The following NAA40 variants were observed in gnomAD, a reference collection of about 807,000 sequenced individuals.
The protein encoded by NAA40 is N-alpha-acetyltransferase 40.
Under a neutral mutation model 36.6 loss-of-function variants are expected in NAA40, and 26 were observed. That is an observed-to-expected ratio of 0.71 (90% CI 0.52 to 0.98). The LOEUF (loss-of-function observed/expected upper bound fraction) is 0.98. Among genes scored for constraint, NAA40 ranks in the 50% least tolerant of loss-of-function variants. The pLI, the probability that NAA40 is intolerant of heterozygous loss-of-function variation, is 0.00. For missense variants in NAA40, 237 were observed against 306.5 expected, an observed-to-expected ratio of 0.77 and a Z score of 1.69; for synonymous variants, 129 against 108.4, an observed-to-expected ratio of 1.19 and a Z score of -1.18.
intron 3 of NAA40, among the ~76,000 whole-genome samples, chr11:63,949,769 G>T (rs559410249): frequency 2.9e-5 from 4 of 135,898 alleles, no homozygotes; most frequent in Non-Finnish European, 4.7e-5. Context: ...TTTTGAGATG[G>T]TGTCTTGCTC....
intron 5 of NAA40, 39 bp downstream of exon 5, chr11:63,952,604 C>T (rs369041303): frequency 6.2e-7 from 1 of 1,609,730 alleles, no homozygotes; most frequent in African/African-American, 1.3e-5. Flanking sequence ...GGAGAGAGAC[C>T]CTGGCGATGT....
rs1328590234 is a variant in NAA40 at position 63,955,296 on chromosome 11, T to G, written c.*817T>G. 6.6e-6 allele frequency: 1 copy of G among 152,640 alleles called. No homozygotes were observed. The highest frequency in any genetic ancestry group is 1.5e-5 in the Non-Finnish European group (1 of 68,060). 9.5% of individuals were successfully genotyped at this position (152,640 alleles called of 1,614,324 possible). On this transcript the variant is annotated 3_prime_UTR_variant, in exon 8 of 8. Coordinates refer to ENST00000377793, the MANE Select transcript of NAA40 (RefSeq NM_024771.4). ...ATAGAAGAAAGCCAGAGGTTCTGCT[T>G]GTTCTTGTCTGCCAGCCCTCGTCGT... is the stretch of plus-strand genomic sequence containing the variant.
Position 63,957,197 on chromosome 11 carries a change from T to TG in NAA40, c.*2718_*2719insG, listed in dbSNP as rs1942380685. 1.0e-5 allele frequency: 1 copy of TG among 99,266 alleles called. No individual in the cohort carries two copies. The highest frequency in any genetic ancestry group is 2.2e-5 in the Non-Finnish European group (1 of 45,878). The allele number at this position is 99,266 out of a possible 1,614,324, so 6.1% of individuals were successfully genotyped here. On this transcript the variant is annotated 3_prime_UTR_variant, in exon 8 of 8. Coordinates refer to ENST00000377793, the MANE Select transcript of NAA40 (RefSeq NM_024771.4). ...TTTGGAAGATAAACTCCTTGATATA[T>TG]ATATATATATATATATTTTTTTTTT...
At position 63,951,516 on chromosome 11, in the gene NAA40, T is replaced by C. The variant is rs571039750; in HGVS notation, c.156-722T>C. Among the ~76,000 whole-genome samples, 236 of 152,282 alleles carry C rather than the reference T, an allele frequency of 1.5e-3. 2 individuals carry two copies. The highest frequency in any genetic ancestry group is 0.01 in the Middle Eastern group (3 of 294). On this transcript the variant is annotated intron_variant, in intron 3 of 7. Transcript: ENST00000377793. ...CCACCACCATGCCCAGCTAATTTTT[T>C]TGTAGTTTTAGTACAGACGGGATTT... is the stretch of plus-strand genomic sequence containing the variant.
At chr11:63,947,047 C>A (rs1942199603) in intron 3 of NAA40, 44 bp downstream of exon 3, 1 of 1,564,900 alleles carries the variant, frequency 6.4e-7, no homozygotes, top group African/African-American at 1.4e-5. Context: ...CCTCGAGTGT[C>A]TTCAGGAATT....
In NAA40 at chr11:63,954,712, G is replaced by A. The variant is rs1272763774; in HGVS notation, c.*233G>A. 7 of 390,870 alleles carry A rather than the reference G, an allele frequency of 1.8e-5. No individual in the cohort carries two copies. The highest frequency in any genetic ancestry group is 4.2e-5 in the East Asian group (1 of 23,972). 24.2% of individuals were successfully genotyped at this position (390,870 alleles called of 1,614,324 possible). On this transcript the variant is annotated 3_prime_UTR_variant, in exon 8 of 8. Coordinates refer to ENST00000377793, the MANE Select transcript of NAA40 (RefSeq NM_024771.4). ...GGGAGAGGGAAGAGTAGGTGGGGCCGGGCAGTGAAGCTCATCCTCCACAGT... is the reference window on the plus strand; with the variant it reads ...GGGAGAGGGAAGAGTAGGTGGGGCCAGGCAGTGAAGCTCATCCTCCACAGT...
At chr11:63,942,166 G>T (rs1393878900) in intron 1 of NAA40, among the ~76,000 whole-genome samples, 1 of 152,152 alleles carries the variant, frequency 6.6e-6, no homozygotes, top group Non-Finnish European at 1.5e-5. Context: ...CTCATGGGGA[G>T]AGTTGGAGGG....
At chr11:63,940,513 A>G (rs1359206083) in intron 1 of NAA40, among the ~76,000 whole-genome samples, 2 of 152,172 alleles carry the variant, frequency 1.3e-5, no homozygotes. Context: ...TGGGATGCTA[A>G]TACCTCCCCC....
intron 3 of NAA40, among the ~76,000 whole-genome samples, chr11:63,951,085 G>A (rs1942272216): frequency 6.6e-6 from 1 of 152,148 alleles, no homozygotes; most frequent in African/African-American, 2.4e-5. Flanking sequence ...TAGAGGTGAT[G>A]GGATTCCAGT....
At chr11:63,949,822 G>A (rs1942247941) in intron 3 of NAA40, among the ~76,000 whole-genome samples, 1 of 142,578 alleles carries the variant, frequency 7.0e-6, no homozygotes, top group African/African-American at 2.6e-5. Context: ...TCGGCTCACT[G>A]CAAGCTCAGC....
In NAA40 at chr11:63,957,183, AAC is replaced by A. The variant is rs1942379899; in HGVS notation, c.*2705_*2706del. ...TTTTTAAGAGGAAATTTGGAAGATAAACTCCTTGATATATATATATATATATA... is the reference window on the plus strand; with the variant it reads ...TTTTTAAGAGGAAATTTGGAAGATAATCCTTGATATATATATATATATATA... On this transcript the variant is annotated 3_prime_UTR_variant, in exon 8 of 8. Transcript: ENST00000377793. 1 of 137,176 alleles carries A rather than the reference AAC, an allele frequency of 7.3e-6. No individual in the cohort carries two copies. Among genetic ancestry groups the A allele is most frequent in the Non-Finnish European group, 1.6e-5 (1 of 64,372 alleles). 8.5% of individuals were successfully genotyped at this position (137,176 alleles called of 1,614,324 possible). A position where few individuals can be genotyped will look rare whatever the true frequency, so the allele number is the denominator to read the frequency against.
chr11:63,948,947 A>C (rs1027647993), intron 3 of NAA40, among the ~76,000 whole-genome samples: 5 of 152,060 alleles, frequency 3.3e-5, no homozygotes, highest in Admixed American at 6.6e-5. Flanking sequence ...TGGGAGGCTG[A>C]GGTTGGAAGG....
chr11:63,945,946 C>T lies in NAA40; in HGVS notation c.102+11C>T, dbSNP rs199987599. 3.0e-4 allele frequency: 489 copies of T among 1,612,366 alleles called. 1 individual carries two copies. Among genetic ancestry groups the T allele is most frequent in the Non-Finnish European group, 3.8e-4 (442 of 1,178,566 alleles). On this transcript the variant is annotated intron_variant, in intron 2 of 7. Coordinates refer to ENST00000377793, the MANE Select transcript of NAA40 (RefSeq NM_024771.4). ...GACGCTGCCAACAGGGTGATTCTCC[C>T]TTTCTTCCCAGTCCCTGCCTCCTGG...
chr11:63,942,477 C>T (rs1227645076), intron 1 of NAA40, among the ~76,000 whole-genome samples: 7 of 152,122 alleles, frequency 4.6e-5, no homozygotes, highest in African/African-American at 7.2e-5. Flanking sequence ...AGTAACTTGC[C>T]TGAAGTCACG....
chr11:63,946,079 G>C, intron 2 of NAA40, 144 bp downstream of exon 2: 1 of 703,196 alleles, frequency 1.4e-6, no homozygotes, highest in Non-Finnish European at 2.4e-6. Context: ...AGGGAACTGA[G>C]CTCATACCTG....
chr11:63,949,799 C>T (rs1942247488), intron 3 of NAA40, among the ~76,000 whole-genome samples: 1 of 138,118 alleles, frequency 7.2e-6, no homozygotes, highest in Non-Finnish European at 1.5e-5. Flanking sequence ...GGCTGGAGTG[C>T]AGTGGCGCCA....
At chr11:63,946,499 C>G (rs1483732492) in intron 2 of NAA40, 1 of 1,133,498 alleles carries the variant, frequency 8.8e-7, no homozygotes, top group Non-Finnish European at 1.1e-6. Flanking sequence ...GCCACAGTGC[C>G]CAGCCCCTGC....
rs1565174562 is a variant in NAA40, at chr11:63,954,459, T to C, written c.694T>C (p.Cys232Arg). Residue 232 changes from cysteine to arginine, a missense_variant, in exon 8 of 8, where the codon TGT becomes CGT. Transcript: ENST00000377793. ...CCATCACTCCCACGCGGGTGGGCAC[T>C]GTGGTGGCTGCTGCCACTGAACTCT... ...DSHHSHAGGH[C>R]GGCCH is the part of the protein sequence containing the mutation. 9 of 1,601,908 alleles carry C rather than the reference T, an allele frequency of 5.6e-6. No homozygotes were observed. In the East Asian group the frequency reaches 1.1e-4, roughly 20 times the overall value.
chr11:63,950,034 G>A (rs1355239397), intron 3 of NAA40, among the ~76,000 whole-genome samples: 1 of 151,724 alleles, frequency 6.6e-6, no homozygotes, highest in South Asian at 2.1e-4. Context: ...GTGAGCCACC[G>A]TGCCCAGCCA....
Sources: gnomAD v4.1 joint callset for allele counts (sites outside exome capture counted in the v4.1 genomes callset) on GRCh38, gnomAD v4.1.1 for gene constraint, MANE v1.5 for transcripts, NCBI Gene and HGNC (gene_info 2026-07-23, HGNC 2026-07-21) for gene names.